Variants in NFATC2 observed in about 807,000 individuals in gnomAD.
NFATC2 encodes the protein nuclear factor of activated T cells 2.
Under a neutral mutation model 87.3 loss-of-function variants are expected in NFATC2, and 22 were observed. The observed-to-expected ratio is 0.25, with a 90% CI of 0.18 to 0.36. The LOEUF is 0.36. Ranked by LOEUF, NFATC2 falls within the 10% of genes least tolerant of loss-of-function variation. The pLI is 1.00. For missense variants in NFATC2, 1,149 were observed against 1,259.1 expected (o/e 0.91, Z 1.32); for synonymous variants, 565 against 542.2 (o/e 1.04, Z -0.58).
At chr20:51,463,218 T>G (rs1445098550) in intron 5 of NFATC2, among the ~76,000 whole-genome samples, 1 of 152,158 alleles carries the variant, frequency 6.6e-6, no homozygotes, top group African/African-American at 2.4e-5. Flanking sequence ...GGGTCTTCCC[T>G]GGGAAGTGGG....
chr20:51,487,040 A>C (rs973614900), intron 3 of NFATC2, among the ~76,000 whole-genome samples: 1 of 152,216 alleles, frequency 6.6e-6, no homozygotes, highest in Non-Finnish European at 1.5e-5. Flanking sequence ...CCCTGCTGCC[A>C]AGTGTTTACC....
intron 1 of NFATC2, among the ~76,000 whole-genome samples, chr20:51,527,916 C>T (rs558421933): frequency 1.1e-3 from 173 of 151,938 alleles, no homozygotes; most frequent in Admixed American, 4.4e-3. Context: ...GCCTGGGCAA[C>T]GTAGAGACCC....
intron 5 of NFATC2, among the ~76,000 whole-genome samples, chr20:51,466,724 A>G (rs1206287548): frequency 6.6e-6 from 1 of 152,220 alleles, no homozygotes; most frequent in African/African-American, 2.4e-5. Flanking sequence ...ATCCCAGAAG[A>G]AAAGAAAATG....
chr20:51,411,513 TG>T (rs1979238209), intron 9 of NFATC2, among the ~76,000 whole-genome samples: 2 of 144,558 alleles, frequency 1.4e-5, no homozygotes, highest in African/African-American at 2.6e-5. Flanking sequence ...GCAATGCAAT[TG>T]TCTTTTTTTT....
chr20:51,539,424 T>C (rs1033404903), intron 1 of NFATC2, among the ~76,000 whole-genome samples: 2 of 152,186 alleles, frequency 1.3e-5, no homozygotes, highest in African/African-American at 4.8e-5. Context: ...CAGAGCCAGA[T>C]GCACATCTGG....
chr20:51,535,026 A>G (rs147211736), intron 1 of NFATC2, among the ~76,000 whole-genome samples: 91 of 152,322 alleles, frequency 6.0e-4, no homozygotes, highest in Admixed American at 1.2e-3. Context: ...TTTTTAAAGC[A>G]TTTGAGATTA....
intron 3 of NFATC2, among the ~76,000 whole-genome samples, chr20:51,505,253 C>T (rs1285856071): frequency 1.3e-5 from 2 of 151,672 alleles, no homozygotes; most frequent in Non-Finnish European, 2.9e-5. Context: ...ATCTCTTGAC[C>T]TTGTGATCTG....
chr20:51,489,000 C>A (rs2075834116), intron 3 of NFATC2, among the ~76,000 whole-genome samples: 1 of 152,182 alleles, frequency 6.6e-6, no homozygotes, highest in Non-Finnish European at 1.5e-5. Context: ...ACCAGACTGG[C>A]CAACATGGCG....
intron 3 of NFATC2, among the ~76,000 whole-genome samples, chr20:51,483,265 A>T (rs940373724): frequency 6.6e-6 from 1 of 152,188 alleles, no homozygotes; most frequent in Non-Finnish European, 1.5e-5. Flanking sequence ...GACGATTCCA[A>T]TCCAAAATGT....
chr20:51,537,254 TG>T (rs374652622), intron 1 of NFATC2, among the ~76,000 whole-genome samples: 1,078 of 13,664 alleles, frequency 0.079, 14 homozygotes, highest in African/African-American at 0.21. Context: ...GATGTGTGGG[TG>T]GGGGGTGCAG....
upstream of NFATC2, among the ~76,000 whole-genome samples, chr20:51,544,357 G>A (rs888389123): frequency 2.6e-5 from 4 of 152,140 alleles, no homozygotes; most frequent in African/African-American, 9.7e-5. Flanking sequence ...TTAGACGGGA[G>A]AGGTCTTAAG....
intron 3 of NFATC2, among the ~76,000 whole-genome samples, chr20:51,494,870 T>C (rs2075962083): frequency 1.3e-5 from 2 of 152,164 alleles, no homozygotes; most frequent in African/African-American, 4.8e-5. Context: ...GAAAAGCCAC[T>C]ACCAAGGTGA....
rs749782605 is a variant in NFATC2 at position 51,474,117 on chromosome 20, G to T, written c.1571C>A (p.Ala524Asp). The T allele has an allele frequency of 1.2e-6, 2 of 1,614,064 alleles. No homozygotes were observed. Among genetic ancestry groups the T allele is most frequent in the Non-Finnish European group, 1.7e-6 (2 of 1,180,044 alleles). ...CTCGCCTTTCCGCAGCTCAATGTCG[G>T]CGTTTCTAAGCTTCAAGATCCCCGC... ...DCAGILKLRN[A>D]DIELRKGETD... Residue 524 changes from alanine to aspartate, a missense_variant, in exon 5 of 11, where the codon GCC becomes GAC. By Grantham distance (126) the Ala-to-Asp change is moderately radical (BLOSUM62 -2). Transcript: ENST00000371564.
intron 1 of NFATC2, among the ~76,000 whole-genome samples, chr20:51,550,210 C>T (rs2076921341): frequency 6.6e-6 from 1 of 152,134 alleles, no homozygotes; most frequent in South Asian, 2.1e-4. Context: ...GCCGGGCTCC[C>T]ATTTGAGCCC....
intron 3 of NFATC2, among the ~76,000 whole-genome samples, chr20:51,511,640 T>TC (rs1289316731): frequency 1.3e-5 from 2 of 152,092 alleles, no homozygotes; most frequent in African/African-American, 4.8e-5. Flanking sequence ...CTCCTTTACC[T>TC]CCCATACCTA....
chr20:51,463,158 T>C (rs1600793068), intron 5 of NFATC2, among the ~76,000 whole-genome samples: 2 of 152,212 alleles, frequency 1.3e-5, no homozygotes, highest in African/African-American at 4.8e-5. Flanking sequence ...GGAGAGGCTG[T>C]GAGCAGGGCC....
chr20:51,559,777 G>A (rs1254340050), intron 1 of NFATC2, among the ~76,000 whole-genome samples: 9 of 152,186 alleles, frequency 5.9e-5, no homozygotes, highest in Admixed American at 5.9e-4. Flanking sequence ...ATGTGACCTT[G>A]GGCAAAGCCG....
chr20:51,465,850 CT>C (rs1987629568), intron 5 of NFATC2, among the ~76,000 whole-genome samples: 1 of 152,036 alleles, frequency 6.6e-6, no homozygotes, highest in South Asian at 2.1e-4. Flanking sequence ...AGGGCAGGGA[CT>C]TTGTTTTGTT....
intron 1 of NFATC2, among the ~76,000 whole-genome samples, chr20:51,525,091 AG>A (rs1250216208): frequency 6.6e-6 from 1 of 152,112 alleles, no homozygotes; most frequent in Non-Finnish European, 1.5e-5. Flanking sequence ...GTGGTGGCAC[AG>A]GCCTGTAATC....
Sources: allele counts gnomAD v4.1 joint callset (sites outside exome capture counted in the v4.1 genomes callset), GRCh38; gene constraint gnomAD v4.1.1; transcripts MANE v1.5; gene names NCBI Gene and HGNC (gene_info 2026-07-23, HGNC 2026-07-21).